NRG1: variants seen among roughly 807,000 people sequenced by gnomAD.
NRG1 encodes neuregulin 1.
In NRG1, 18 loss-of-function variants were observed where a neutral mutation model predicts 63.8. That is an observed-to-expected ratio of 0.28 (90% CI 0.19 to 0.42). The LOEUF is 0.42. Among genes scored for constraint, NRG1 ranks in the 10% least tolerant of loss-of-function variants. NRG1 has a pLI of 1.00. For missense variants in NRG1, 762 were observed against 814.7 expected (o/e 0.94, Z 0.79); for synonymous variants, 302 against 301.3 (o/e 1.00, Z -0.02).
chr8:32,126,190 G>A (rs2346772), intron 1 of NRG1, among the ~76,000 whole-genome samples: 1 of 151,800 alleles, frequency 6.6e-6, no homozygotes, highest in Admixed American at 6.6e-5. Flanking sequence ...ATTGCTCTGG[G>A]TATCGCAAAA....
intron 1 of NRG1, among the ~76,000 whole-genome samples, chr8:31,928,352 TA>T (rs77001238): frequency 0.46 from 36,356 of 79,644 alleles, 8,628 homozygotes; most frequent in Middle Eastern, 0.57. Flanking sequence ...ATGGATGTGG[TA>T]AAAAAAAAAA....
At chr8:32,496,432 T>C (rs1428697655) in intron 1 of NRG1, among the ~76,000 whole-genome samples, 1 of 152,098 alleles carries the variant, frequency 6.6e-6, no homozygotes, top group African/African-American at 2.4e-5. Flanking sequence ...AATAATATCT[T>C]TTAAAAAATT....
At chr8:32,154,270 C>T (rs983376022) in intron 1 of NRG1, among the ~76,000 whole-genome samples, 1 of 152,098 alleles carries the variant, frequency 6.6e-6, no homozygotes, top group African/African-American at 2.4e-5. Flanking sequence ...TTCCTCCTCC[C>T]CTTCCCCTTT....
intron 1 of NRG1, among the ~76,000 whole-genome samples, chr8:31,802,371 A>G (rs1380064590): frequency 6.6e-6 from 1 of 152,182 alleles, no homozygotes; most frequent in African/African-American, 2.4e-5. Context: ...ATTTGCCACT[A>G]CAAAATGCCT....
intron 1 of NRG1, among the ~76,000 whole-genome samples, chr8:31,713,076 CA>C (rs1165454115): frequency 5.9e-5 from 9 of 151,400 alleles, no homozygotes; most frequent in Admixed American, 2.0e-4. Flanking sequence ...GAGGCTTCAG[CA>C]GCCAGCCCTA....
intron 5 of NRG1, among the ~76,000 whole-genome samples, chr8:32,673,371 A>T (rs1037092970): frequency 1.3e-5 from 2 of 152,198 alleles, no homozygotes; most frequent in Non-Finnish European, 2.9e-5. Flanking sequence ...GAATCATAGA[A>T]CCTCATATTC....
intron 5 of NRG1, among the ~76,000 whole-genome samples, chr8:32,639,961 T>C (rs546302381): frequency 1.2e-4 from 19 of 152,346 alleles, no homozygotes; most frequent in African/African-American, 4.3e-4. Flanking sequence ...TAAATAAGAT[T>C]GCACATTGGA....
At chr8:32,336,234 T>C (rs575746540) in intron 1 of NRG1, among the ~76,000 whole-genome samples, 27 of 152,336 alleles carry the variant, frequency 1.8e-4, no homozygotes, top group African/African-American at 6.3e-4. Flanking sequence ...TTGTCCATCA[T>C]CCACTCCCTT....
intron 1 of NRG1, among the ~76,000 whole-genome samples, chr8:32,498,592 C>CATTCA (rs1554561789): frequency 6.6e-6 from 1 of 151,694 alleles, no homozygotes; most frequent in African/African-American, 2.4e-5. Flanking sequence ...CAGCCCCCAT[C>CATTCA]GTTCAATTAC....
rs768086927 is a variant in NRG1, at chr8:32,332,661, A to G, written c.38-263167A>G. On this transcript the variant is annotated intron_variant, in intron 1 of 10. Coordinates refer to the NRG1 transcript ENST00000519301. ...TTTTCACCAATTTATAGAAAAGGAA[A>G]CTGAAGCATAGAGAATTGAATACAT... Among the ~76,000 whole-genome samples the G allele has an allele frequency of 7.7e-4, 117 of 152,342 alleles. No homozygotes were observed. In the Middle Eastern group the frequency reaches 0.01, roughly 13 times the overall value.
chr8:32,290,885 T>G (rs1243307427), intron 1 of NRG1, among the ~76,000 whole-genome samples: 1 of 151,874 alleles, frequency 6.6e-6, no homozygotes, highest in African/African-American at 2.4e-5. Flanking sequence ...TTGTATTAGT[T>G]AGGGTTCTGC....
intron 1 of NRG1, among the ~76,000 whole-genome samples, chr8:32,332,242 T>C (rs1802742943): frequency 1.3e-5 from 2 of 152,218 alleles, no homozygotes; most frequent in African/African-American, 4.8e-5. Flanking sequence ...GTCTTTGGCC[T>C]TAAAGGAAAA....
intron 1 of NRG1, among the ~76,000 whole-genome samples, chr8:32,583,276 AG>A (rs1308976643): frequency 2.0e-5 from 3 of 152,164 alleles, no homozygotes; most frequent in African/African-American, 7.2e-5. Flanking sequence ...GTATTGAAAT[AG>A]GTGTGGCAGG....
chr8:32,295,892 G>A (rs909318899), intron 1 of NRG1, among the ~76,000 whole-genome samples: 3 of 149,406 alleles, frequency 2.0e-5, no homozygotes, highest in South Asian at 4.2e-4. Flanking sequence ...AGCCAAGATC[G>A]CGCCATTGCA....
At chr8:31,809,741 G>GTTTTTTTTTTTTTTTTTTTTTTTTATT (rs753730069) in intron 1 of NRG1, among the ~76,000 whole-genome samples, 1 of 68,016 alleles carries the variant, frequency 1.5e-5, no homozygotes, top group Non-Finnish European at 2.6e-5. Context: ...TCTATTAATT[G>GTTTTTTTTTTTTTTTTTTTTTTTTATT]TTTTTTTTTT....
rs117977089 is a variant in NRG1, at chr8:31,878,631, T to A, written c.37+239200T>A. Among the ~76,000 whole-genome samples the A allele has an allele frequency of 3.8e-3, 576 of 152,292 alleles. 1 individual carries two copies. The highest frequency in any genetic ancestry group is 0.024 in the Middle Eastern group (7 of 294). The stretch of plus-strand genomic sequence containing the variant: ...GTCTGAGTATGGTTTAGCTGCAACA[T>A]CTGCAAGGCTACAATCAAGATGGTG... On this transcript the variant is annotated intron_variant, in intron 1 of 10. Coordinates refer to the NRG1 transcript ENST00000519301.
At chr8:32,514,517 C>A (rs920420329) in intron 1 of NRG1, among the ~76,000 whole-genome samples, 4 of 152,048 alleles carry the variant, frequency 2.6e-5, no homozygotes, top group African/African-American at 9.7e-5. Flanking sequence ...TATTATATCC[C>A]CAAATATAGG....
intron 1 of NRG1, among the ~76,000 whole-genome samples, chr8:31,669,276 T>C (rs1806862953): frequency 6.6e-6 from 1 of 151,862 alleles, no homozygotes; most frequent in African/African-American, 2.4e-5. Context: ...CTTTCCCTTT[T>C]GCCCAGGCTG....
At chr8:32,671,128 CT>C (rs59521980) in intron 5 of NRG1, among the ~76,000 whole-genome samples, 2,512 of 134,072 alleles carry the variant, frequency 0.019, 94 homozygotes, top group Admixed American at 0.1. Context: ...TGTTCTTATG[CT>C]TTTTTTTTTT....
Sources: allele counts gnomAD v4.1 joint callset (sites outside exome capture counted in the v4.1 genomes callset), GRCh38; gene constraint gnomAD v4.1.1; transcripts MANE v1.5; gene names NCBI Gene and HGNC (gene_info 2026-07-23, HGNC 2026-07-21).